ADGRL4: variants seen among roughly 807,000 people sequenced by gnomAD.
ADGRL4 encodes EGF, latrophilin and seven transmembrane domain containing 1.
Under a neutral mutation model 74.8 loss-of-function variants are expected in ADGRL4, and 90 were observed. That is an observed-to-expected ratio of 1.20 (90% CI 1.02 to 1.43). ADGRL4 has a LOEUF of 1.43. Among genes scored for constraint, ADGRL4 ranks in the 40% most tolerant of loss-of-function variants. ADGRL4 has a pLI of 0.00. For missense variants in ADGRL4, 881 were observed against 814.3 expected, an observed-to-expected ratio of 1.08 and a Z score of -1.00; for synonymous variants, 311 against 279.2, an observed-to-expected ratio of 1.11 and a Z score of -1.14.
At chr1:78,982,172 C>A (rs1313732942) in intron 2 of ADGRL4, among the ~76,000 whole-genome samples, 1 of 151,826 alleles carries the variant, frequency 6.6e-6, no homozygotes, top group African/African-American at 2.4e-5. Context: ...ACTTGAAAAT[C>A]TCACCTGTAT....
chr1:78,911,251 C>T (rs1648756279), intron 12 of ADGRL4, among the ~76,000 whole-genome samples: 1 of 151,754 alleles, frequency 6.6e-6, no homozygotes, highest in Non-Finnish European at 1.5e-5. Flanking sequence ...TTAAAGATTG[C>T]TCTATAGAGA....
chr1:78,923,140 A>T lies in ADGRL4; in HGVS notation c.1084-1354T>A, dbSNP rs542682897. ...AAAACTGAAATTCTTTTAGTTCCTA[A>T]AAGAGCCTGGGAAGGGCCTAATTCT... On this transcript the variant is annotated intron_variant, in intron 8 of 14. Transcript: ENST00000370742. 2.6e-5 allele frequency among the ~76,000 whole-genome samples: 4 copies of T among 152,050 alleles called. No homozygotes were observed. In the East Asian group the frequency reaches 7.8e-4, roughly 30 times the overall value.
At chr1:78,907,595 A>G (rs1398044002) in intron 12 of ADGRL4, among the ~76,000 whole-genome samples, 5 of 152,084 alleles carry the variant, frequency 3.3e-5, no homozygotes, top group African/African-American at 1.2e-4. Context: ...GCATTTAACA[A>G]TGAGACTTAT....
rs201104905 is a variant in ADGRL4, at chr1:78,927,046, A to G, written c.923T>C (p.Leu308Ser). ...AFVYYKSIGP[L>S]LSSSDNFLLK... is the part of the protein sequence containing the mutation. ...TAAGAAGTTGTCAGATGATGAAAGCAAAGGACCAATACTCTTATAATATAC... is the reference window on the plus strand; with the variant it reads ...TAAGAAGTTGTCAGATGATGAAAGCGAAGGACCAATACTCTTATAATATAC... The change falls in exon 8 of 15, where the codon TTG becomes TCG. Residue 308 changes from leucine (L) to serine (S), a missense_variant. Coordinates refer to ENST00000370742, the MANE Select transcript of ADGRL4 (RefSeq NM_022159.4). 241 of 1,607,744 alleles carry G rather than the reference A, an allele frequency of 1.5e-4. No homozygotes were observed. The highest frequency in any genetic ancestry group is 2.0e-4 in the Non-Finnish European group (232 of 1,175,382).
chr1:78,939,082 C>T, intron 4 of ADGRL4, 106 bp downstream of exon 4: 3 of 1,340,380 alleles, frequency 2.2e-6, no homozygotes, highest in Middle Eastern at 2.0e-4. Context: ...TCGACTCTCC[C>T]TAAAGTTTGA....
At chr1:78,960,760 A>G (rs1249318693) in intron 2 of ADGRL4, among the ~76,000 whole-genome samples, 1 of 152,142 alleles carries the variant, frequency 6.6e-6, no homozygotes, top group Non-Finnish European at 1.5e-5. Context: ...GAGGCTCCAG[A>G]GAACTCATTT....
At chr1:78,895,443 T>C (rs531910835) in intron 12 of ADGRL4, among the ~76,000 whole-genome samples, 3 of 152,174 alleles carry the variant, frequency 2.0e-5, no homozygotes, top group African/African-American at 4.8e-5. Flanking sequence ...CTTATAAATC[T>C]ACAAACTGTG....
chr1:79,000,418 G>T (rs1275308404), intron 2 of ADGRL4, among the ~76,000 whole-genome samples: 3 of 152,164 alleles, frequency 2.0e-5, no homozygotes, highest in East Asian at 1.9e-4. Context: ...GGTCAGCGAA[G>T]TCTTTGGTTT....
intron 2 of ADGRL4, among the ~76,000 whole-genome samples, chr1:78,977,697 ATG>A (rs1161195918): frequency 6.6e-6 from 1 of 151,906 alleles, no homozygotes; most frequent in East Asian, 1.9e-4. Flanking sequence ...TAGTAGTAGT[ATG>A]TGTGTGTTCT....
At chr1:78,970,467 C>A (rs1650146857) in intron 2 of ADGRL4, among the ~76,000 whole-genome samples, 3 of 152,132 alleles carry the variant, frequency 2.0e-5, no homozygotes, top group South Asian at 4.1e-4. Context: ...AATTCCTATT[C>A]TCTAGCCCCT....
chr1:78,945,008 A>C (rs1397854907), intron 3 of ADGRL4, among the ~76,000 whole-genome samples: 1 of 151,762 alleles, frequency 6.6e-6, no homozygotes, highest in Non-Finnish European at 1.5e-5. Flanking sequence ...CTACTAAAAT[A>C]CAAAAAATTA....
chr1:78,938,156 C>T lies in ADGRL4; in HGVS notation c.520G>A (p.Gly174Ser), dbSNP rs746538043. 1 of 1,612,796 alleles carries T rather than the reference C, an allele frequency of 6.2e-7. No homozygotes were observed. The highest frequency in any genetic ancestry group is 1.3e-5 in the African/African-American group (1 of 74,930). The change falls in exon 5 of 15, where the codon GGT becomes AGT. Residue 174 changes from glycine (G) to serine (S), a missense_variant. Physicochemically the swap from Gly to Ser is moderately conservative, Grantham distance 56. Transcript: ENST00000370742. Reference protein sequence around the residue: ...EILAESSSLLGYKNNTISAKD... With the variant: ...EILAESSSLLSYKNNTISAKD... ...GCTGAGATAGTGTTGTTCTTGTAACCTAGTAATGAAGATGATTCAGCTAAT... is the reference window on the plus strand; with the variant it reads ...GCTGAGATAGTGTTGTTCTTGTAACTTAGTAATGAAGATGATTCAGCTAAT...
chr1:78,957,926 G>T (rs1015957661), intron 2 of ADGRL4, among the ~76,000 whole-genome samples: 1 of 152,178 alleles, frequency 6.6e-6, no homozygotes, highest in Non-Finnish European at 1.5e-5. Context: ...TGCAGCTGTT[G>T]ATTTTAAGTT....
chr1:78,930,495 A>G (rs1649217218), intron 7 of ADGRL4, among the ~76,000 whole-genome samples: 1 of 125,056 alleles, frequency 8.0e-6, no homozygotes, highest in Admixed American at 9.8e-5. Flanking sequence ...TCTGTCACCC[A>G]GGCTGGAGTG....
chr1:79,006,723 C>T lies in ADGRL4; in HGVS notation c.-69G>A, dbSNP rs567076463. Reference sequence around the variant, plus strand: ...GTGAGTGCGGCTGTGGACCCGGGACCGGGCGCCGCTGGGCGGGCGCGGCAG... The same window carrying T: ...GTGAGTGCGGCTGTGGACCCGGGACTGGGCGCCGCTGGGCGGGCGCGGCAG... On this transcript the variant is annotated 5_prime_UTR_variant, in exon 1 of 15. Transcript: ENST00000370742. 5 of 1,395,820 alleles carry T rather than the reference C, an allele frequency of 3.6e-6. No homozygotes were observed. Among genetic ancestry groups the T allele is most frequent in the African/African-American group, 1.5e-5 (1 of 65,234 alleles). 86.5% of individuals were successfully genotyped at this position (1,395,820 alleles called of 1,614,324 possible).
In ADGRL4 at chr1:78,938,173, T is replaced by C. The variant is rs1649397707; in HGVS notation, c.503A>G (p.Glu168Gly). ...CTTGTAACCTAGTAATGAAGATGATTCAGCTAATATTTCTATATATGTAAT... is the reference window on the plus strand; with the variant it reads ...CTTGTAACCTAGTAATGAAGATGATCCAGCTAATATTTCTATATATGTAAT... ...DIITYIEILAESSSLLGYKNN... is the reference protein window; with the variant it reads ...DIITYIEILAGSSSLLGYKNN... Residue 168 changes from glutamate (E) to glycine (G), a missense_variant, in exon 5 of 15, where the codon GAA becomes GGA. Glu to Gly is a moderately conservative substitution (Grantham distance 98). Coordinates refer to ENST00000370742, the MANE Select transcript of ADGRL4 (RefSeq NM_022159.4). 1 of 1,612,518 alleles carries C rather than the reference T, an allele frequency of 6.2e-7. No homozygotes were observed. Among genetic ancestry groups the C allele is most frequent in the African/African-American group, 1.3e-5 (1 of 74,864 alleles).
intron 12 of ADGRL4, among the ~76,000 whole-genome samples, chr1:78,913,801 C>A (rs1464703266): frequency 2.0e-5 from 3 of 151,858 alleles, no homozygotes; most frequent in Non-Finnish European, 4.4e-5. Flanking sequence ...TAAAACAAAA[C>A]AAAGTATAAA....
chr1:78,955,689 T>A (rs923568415), intron 2 of ADGRL4, among the ~76,000 whole-genome samples: 1 of 152,104 alleles, frequency 6.6e-6, no homozygotes, highest in Non-Finnish European at 1.5e-5. Flanking sequence ...TTCATTTTTT[T>A]CCTGATGTAA....
At chr1:78,910,291 T>G (rs1008708454) in intron 12 of ADGRL4, among the ~76,000 whole-genome samples, 1 of 151,866 alleles carries the variant, frequency 6.6e-6, no homozygotes, top group Admixed American at 6.6e-5. Context: ...TGAGTAGGTT[T>G]TAATAAGTAT....
Sources: gnomAD v4.1 joint callset for allele counts (sites outside exome capture counted in the v4.1 genomes callset) on GRCh38, gnomAD v4.1.1 for gene constraint, MANE v1.5 for transcripts, NCBI Gene and HGNC (gene_info 2026-07-23, HGNC 2026-07-21) for gene names.